MICALL1: variants seen among roughly 807,000 people sequenced by gnomAD.
MICALL1 encodes the protein MICAL like 1.
A neutral mutation model predicts 83.7 loss-of-function variants in MICALL1; 61 were observed. The ratio of observed to expected loss-of-function variants is 0.73; its 90% CI spans 0.59 to 0.90. The LOEUF is 0.90. Ranked by LOEUF, MICALL1 falls within the 40% of genes least tolerant of loss-of-function variation. MICALL1 has a pLI of 0.00. For synonymous variants in MICALL1, 481 were observed against 473.6 expected, an observed-to-expected ratio of 1.02 and a Z score of -0.20; for missense variants, 1,066 against 1,152.0, an observed-to-expected ratio of 0.93 and a Z score of 1.08.
chr22:37,915,263 A>T (rs1928605526), intron 3 of MICALL1, among the ~76,000 whole-genome samples: 1 of 152,178 alleles, frequency 6.6e-6, no homozygotes, highest in Admixed American at 6.5e-5. Context: ...AAACAGAAAA[A>T]ATAAACAAGA....
chr22:37,940,893 T>G lies in MICALL1; in HGVS notation c.*63T>G. ...AGCAGCTCCTGGGCTGTGCTCTGTT[T>G]GAAGGGGGCGCCCTGCTCCCCTCAG... is the stretch of plus-strand genomic sequence containing the variant. On this transcript the variant is annotated 3_prime_UTR_variant, in exon 16 of 16. Transcript: ENST00000215957. 1 of 1,599,982 alleles carries G rather than the reference T, an allele frequency of 6.3e-7. No homozygotes were observed.
rs1929820489 is a variant in MICALL1 at position 37,932,065 on chromosome 22, C to T, written c.2016+132C>T. Reference sequence around the variant, plus strand: ...TGGGCCTCAGATGCTCAAGAGAGCACTCTTGGCGGCCCAACTGGAAGGTCT... The same window carrying T: ...TGGGCCTCAGATGCTCAAGAGAGCATTCTTGGCGGCCCAACTGGAAGGTCT... On this transcript the variant is annotated intron_variant, in intron 10 of 15. Coordinates refer to ENST00000215957, the MANE Select transcript of MICALL1 (RefSeq NM_033386.4). The surrounding 1 kb of genome is among the most constrained non-coding windows in gnomAD (Gnocchi z 4.4). 1 of 1,331,676 alleles carries T rather than the reference C, an allele frequency of 7.5e-7. No homozygotes were observed. The highest frequency in any genetic ancestry group is 1.0e-6 in the Non-Finnish European group (1 of 991,206). The allele number at this position is 1,331,676 out of a possible 1,614,324, so 82.5% of individuals were successfully genotyped here. A position where few individuals can be genotyped will look rare whatever the true frequency, so the allele number is the denominator to read the frequency against.
At chr22:37,908,287 C>CTT (rs550176052) in intron 1 of MICALL1, among the ~76,000 whole-genome samples, 3 of 143,278 alleles carry the variant, frequency 2.1e-5, no homozygotes, top group Non-Finnish European at 3.1e-5. Flanking sequence ...ACTAATGTTA[C>CTT]TTTTTTTTTT....
At chr22:37,925,617 C>A in intron 7 of MICALL1, 44 bp from the exon 8 acceptor site, 1 of 1,525,944 alleles carries the variant, frequency 6.6e-7, no homozygotes, top group Non-Finnish European at 8.9e-7. Flanking sequence ...GGAAGCTGAC[C>A]CTTGCCTCTG....
In MICALL1 at chr22:37,932,996, G is replaced by C. The variant is rs1252779305; in HGVS notation, c.2235-43G>C. The stretch of plus-strand genomic sequence containing the variant: ...AACAGCGCAGGGCAGGGCAGCCGGG[G>C]CTCGGGCAGAATTGTTAAGAGTCAC... On this transcript the variant is annotated intron_variant, in intron 12 of 15. Coordinates refer to ENST00000215957, the MANE Select transcript of MICALL1 (RefSeq NM_033386.4). The surrounding 1 kb of genome is among the most constrained non-coding windows in gnomAD (Gnocchi z 4.4). The C allele has an allele frequency of 6.2e-7, 1 of 1,613,632 alleles. No homozygotes were observed.
chr22:37,925,802 G>A lies in MICALL1; in HGVS notation c.1224G>A (p.Glu408=). 1.2e-6 allele frequency: 2 copies of A among 1,613,716 alleles called. No homozygotes were observed. Among genetic ancestry groups the A allele is most frequent in the South Asian group, 1.1e-5 (1 of 91,074 alleles). ...GGCAGGTGGAGAATGGAGGCACCGA[G>A]GAGGTGGCCCAGCCGAGCCCAACGG... ...DSRQVENGGT[E]EVAQPSPTAS... is the part of the protein sequence containing the mutation. Residue 408 remains glutamate, a synonymous_variant, in exon 8 of 16, where the codon GAG becomes GAA. Coordinates refer to ENST00000215957, the MANE Select transcript of MICALL1 (RefSeq NM_033386.4).
In MICALL1 at chr22:37,925,936, C is replaced by G. The variant is rs779129772; in HGVS notation, c.1358C>G (p.Pro453Arg). Residue 453 changes from proline to arginine, a missense_variant, in exon 8 of 16, where the codon CCG (proline) becomes CGG (arginine). Coordinates refer to ENST00000215957, the MANE Select transcript of MICALL1 (RefSeq NM_033386.4). ...SLATSPALGH[P>R]ESTPKSLHPW... ...GCCACCAGCCCTGCCCTGGGCCACC[C>G]GGAGTCCACACCCAAGTCCCTGCAC... is the stretch of plus-strand genomic sequence containing the variant. 2.5e-6 allele frequency: 4 copies of G among 1,613,230 alleles called. No homozygotes were observed. The highest frequency in any genetic ancestry group is 3.4e-6 in the Non-Finnish European group (4 of 1,179,630).
chr22:37,912,534 G>C (rs1405158176), intron 3 of MICALL1, 42 bp downstream of exon 3: 2 of 1,541,618 alleles, frequency 1.3e-6, no homozygotes, highest in Admixed American at 1.8e-5. Flanking sequence ...TGGCCCAGGG[G>C]GTGGCCCTGG....
chr22:37,939,425 G>A (rs992337832), intron 15 of MICALL1, among the ~76,000 whole-genome samples: 10 of 152,166 alleles, frequency 6.6e-5, no homozygotes, highest in African/African-American at 1.7e-4. Context: ...CTCTGACAGC[G>A]TTTGTGTTGT....
chr22:37,936,094 G>GGGCACTCA (rs1569150145), intron 13 of MICALL1, among the ~76,000 whole-genome samples: 1 of 152,172 alleles, frequency 6.6e-6, no homozygotes, highest in Non-Finnish European at 1.5e-5. Context: ...GGCCAAGTGT[G>GGGCACTCA]GGCACTCATC....
rs1270907757 is a variant in MICALL1, at chr22:37,924,195, C to A, written c.1025-465C>A. Reference sequence around the variant, plus strand: ...ACCGCTGGGGACACAGATTACTGTTCAGGCCTATCTGTGCCTTCAGGGTGC... The same window carrying A: ...ACCGCTGGGGACACAGATTACTGTTAAGGCCTATCTGTGCCTTCAGGGTGC... On this transcript the variant is annotated intron_variant, in intron 6 of 15. Coordinates refer to ENST00000215957, the MANE Select transcript of MICALL1 (RefSeq NM_033386.4). This position sits in a 1 kb window ranked among gnomAD's most constrained non-coding sequence, Gnocchi z 5.2. 6.6e-6 allele frequency among the ~76,000 whole-genome samples: 1 copy of A among 152,146 alleles called. No individual in the cohort carries two copies. Among genetic ancestry groups the A allele is most frequent in the Non-Finnish European group, 1.5e-5 (1 of 68,028 alleles).
Position 37,937,192 on chromosome 22 carries a change from G to C in MICALL1, c.2421G>C (p.Gln807His). The C allele has an allele frequency of 6.4e-7, 1 of 1,550,514 alleles. No homozygotes were observed. Among genetic ancestry groups the C allele is most frequent in the Non-Finnish European group, 8.7e-7 (1 of 1,146,482 alleles). ...AIINCLDEDR[Q>H]REEEEDKMLE... ...TCAACTGCCTGGATGAGGACCGGCA[G>C]AGGTGACATGGCCAGGGGTGGGGGG... The change falls in exon 14 of 16, where the codon CAG becomes CAC. Residue 807 changes from glutamine (Q) to histidine (H), a missense_variant and splice_region_variant. By Grantham distance (24) the Gln-to-His change is conservative (BLOSUM62 0). Transcript: ENST00000215957.
intron 4 of MICALL1, 85 bp from the exon 5 acceptor site, chr22:37,918,951 T>TGGAG: frequency 7.1e-7 from 1 of 1,409,974 alleles, no homozygotes; most frequent in Non-Finnish European, 9.4e-7. Flanking sequence ...CGGTGGCCGT[T>TGGAG]GGAGGGAGGG....
chr22:37,922,364 C>T lies in MICALL1; in HGVS notation c.962C>T (p.Pro321Leu), dbSNP rs954738325. 51 of 1,533,644 alleles carry T rather than the reference C, an allele frequency of 3.3e-5. No individual in the cohort carries two copies. Among genetic ancestry groups the T allele is most frequent in the Non-Finnish European group, 4.2e-5 (48 of 1,142,780 alleles). Residue 321 changes from proline to leucine, a missense_variant, in exon 6 of 16, where the codon CCC (proline) becomes CTC (leucine). Pro to Leu is a moderately conservative substitution (Grantham distance 98). Coordinates refer to ENST00000215957, the MANE Select transcript of MICALL1 (RefSeq NM_033386.4). Reference protein sequence around the residue: ...STTPAPPTPRPRSSLQQENLV... With the variant: ...STTPAPPTPRLRSSLQQENLV... ...ACCCCAGCACCCCCCACGCCCCGGC[C>T]CCGCTCCAGTCTGCAGCAGGAGAAC...
In MICALL1 at chr22:37,912,510, C is replaced by T. The variant is rs367582319; in HGVS notation, c.337+18C>T. The stretch of plus-strand genomic sequence containing the variant: ...TGGCCAAGGTGAGAGGGGGACTCAG[C>T]GTTTCACGGAGGCTGGCCCAGGGGG... On this transcript the variant is annotated intron_variant, in intron 3 of 15. Transcript: ENST00000215957. 1.0e-5 allele frequency: 16 copies of T among 1,577,086 alleles called. 1 individual carries two copies. The highest frequency in any genetic ancestry group is 4.0e-5 in the African/African-American group (3 of 74,218).
chr22:37,912,357 G>A lies in MICALL1; in HGVS notation c.202G>A (p.Glu68Lys), dbSNP rs1311658171. 1.9e-6 allele frequency: 3 copies of A among 1,611,122 alleles called. No individual in the cohort carries two copies. Among genetic ancestry groups the A allele is most frequent in the Non-Finnish European group, 2.5e-6 (3 of 1,178,084 alleles). Reference protein sequence around the residue: ...NVFENNRLAFEVAEKELGIPA... With the variant: ...NVFENNRLAFKVAEKELGIPA... ...GTACCTGTCACCACCCCAGGCCTTTGAAGTGGCTGAGAAGGAGCTGGGGAT... is the reference window on the plus strand; with the variant it reads ...GTACCTGTCACCACCCCAGGCCTTTAAAGTGGCTGAGAAGGAGCTGGGGAT... Residue 68 changes from glutamate (E) to lysine (K), a missense_variant, in exon 3 of 16, where the codon GAA (glutamate) becomes AAA (lysine). Coordinates refer to ENST00000215957, the MANE Select transcript of MICALL1 (RefSeq NM_033386.4).
Position 37,924,021 on chromosome 22 carries a change from G to A in MICALL1, c.1025-639G>A, listed in dbSNP as rs1929262739. On this transcript the variant is annotated intron_variant, in intron 6 of 15. Coordinates refer to ENST00000215957, the MANE Select transcript of MICALL1 (RefSeq NM_033386.4). This position sits in a 1 kb window ranked among gnomAD's most constrained non-coding sequence, Gnocchi z 5.2. ...GGTTTCCGTGAGCTTGTAGGATTGA[G>A]ACTCCTTGTATAAGGCTGCTGGGCA... Among the ~76,000 whole-genome samples the A allele has an allele frequency of 6.6e-6, 1 of 152,188 alleles. No homozygotes were observed. The highest frequency in any genetic ancestry group is 1.5e-5 in the Non-Finnish European group (1 of 68,032).
At position 37,941,044 on chromosome 22, in the gene MICALL1, G is replaced by A; in HGVS notation, c.*214G>A. The A allele has an allele frequency of 1.5e-5, 8 of 542,666 alleles. 1 individual carries two copies. The South Asian group carries it at 1.7e-4, about 11-fold the overall frequency. 33.6% of individuals were successfully genotyped at this position (542,666 alleles called of 1,614,324 possible). ...TCTTCTCCGAGCCCCAGGCAGCGGT[G>A]ATTCAGCCCTGCCCAACCTGATTCT... On this transcript the variant is annotated 3_prime_UTR_variant, in exon 16 of 16. Transcript: ENST00000215957.
chr22:37,937,154 C>T lies in MICALL1; in HGVS notation c.2383C>T (p.Arg795Cys), dbSNP rs1270050907. 7.1e-6 allele frequency: 11 copies of T among 1,551,076 alleles called. No individual in the cohort carries two copies. Among genetic ancestry groups the T allele is most frequent in the Non-Finnish European group, 9.6e-6 (11 of 1,146,906 alleles). Reference protein sequence around the residue: ...MQELVTLIEQRNAIINCLDED... With the variant: ...MQELVTLIEQCNAIINCLDED... ...GGAGCTTGTGACCCTCATTGAGCAG[C>T]GCAACGCTATCATCAACTGCCTGGA... Residue 795 changes from arginine to cysteine, a missense_variant, in exon 14 of 16, where the codon CGC (arginine) becomes TGC (cysteine). Arg to Cys is a radical substitution (Grantham distance 180, BLOSUM62 -3). Transcript: ENST00000215957.
Sources: allele counts gnomAD v4.1 joint callset (sites outside exome capture counted in the v4.1 genomes callset), GRCh38; gene constraint gnomAD v4.1.1; non-coding constraint Gnocchi (gnomAD v3.1); transcripts MANE v1.5; gene names NCBI Gene and HGNC (gene_info 2026-07-23, HGNC 2026-07-21).